The following TMEM192 variants were observed in gnomAD, a reference collection of about 807,000 sequenced individuals.
The protein encoded by TMEM192 is transmembrane protein 192.
In TMEM192, 20 loss-of-function variants were observed where a neutral mutation model predicts 26.7. The observed-to-expected ratio is 0.75, with a 90% CI of 0.53 to 1.09. TMEM192 has a LOEUF of 1.09. TMEM192 is among the 50% of genes least tolerant of loss of function. The probability of loss-of-function intolerance (pLI) is 0.00; values close to 1 mark genes in which losing one functional copy is unlikely to be tolerated. For synonymous variants in TMEM192, 124 were observed against 121.0 expected (o/e 1.02, Z -0.16); for missense variants, 304 against 322.6 (o/e 0.94, Z 0.44).
intron 1 of TMEM192, among the ~76,000 whole-genome samples, chr4:165,103,903 G>A (rs574379420): frequency 3.9e-5 from 6 of 152,238 alleles, no homozygotes; most frequent in Non-Finnish European, 7.4e-5. Flanking sequence ...CCTGACCTCA[G>A]GTGATCTACC....
rs562363988 is a variant in TMEM192 at position 165,081,166 on chromosome 4, C to T, written c.678-1370G>A. Among the ~76,000 whole-genome samples the T allele has an allele frequency of 4.8e-3, 727 of 151,992 alleles. 3 individuals are homozygous for T. The highest frequency in any genetic ancestry group is 7.4e-3 in the Non-Finnish European group (500 of 67,986). ...TAATAAGTTACCTAAACTCTCTGGTCTTCAGAGGTTAACACAACAACAAAC... is the reference window on the plus strand; with the variant it reads ...TAATAAGTTACCTAAACTCTCTGGTTTTCAGAGGTTAACACAACAACAAAC... On this transcript the variant is annotated intron_variant, in intron 5 of 5. Transcript: ENST00000306480.
chr4:165,099,591 C>G (rs977404743), intron 3 of TMEM192, among the ~76,000 whole-genome samples: 11 of 152,076 alleles, frequency 7.2e-5, no homozygotes, highest in African/African-American at 2.4e-4. Flanking sequence ...CCTAACAGTC[C>G]TCTATCCTAG....
At chr4:165,109,980 G>A (rs141393805) in intron 1 of TMEM192, among the ~76,000 whole-genome samples, 43 of 152,142 alleles carry the variant, frequency 2.8e-4, no homozygotes, top group African/African-American at 8.7e-4. Flanking sequence ...CCTTTTCATG[G>A]GTGTATCTTT....
At chr4:165,093,394 C>T (rs935966589) in intron 3 of TMEM192, among the ~76,000 whole-genome samples, 4 of 151,740 alleles carry the variant, frequency 2.6e-5, no homozygotes, top group Admixed American at 6.6e-5. Flanking sequence ...CGCGCCTGGC[C>T]AATACAGTTT....
chr4:165,105,950 C>A (rs1422872852), intron 1 of TMEM192, among the ~76,000 whole-genome samples: 1 of 152,184 alleles, frequency 6.6e-6, no homozygotes, highest in African/African-American at 2.4e-5. Flanking sequence ...CTTGAATGAG[C>A]TCCCTTCCAC....
At chr4:165,093,347 G>A (rs1368627370) in intron 3 of TMEM192, among the ~76,000 whole-genome samples, 3 of 151,824 alleles carry the variant, frequency 2.0e-5, no homozygotes, top group South Asian at 2.1e-4. Context: ...CACCCGCCTC[G>A]GCCTCCCAAA....
chr4:165,096,748 T>C (rs1734917658), intron 3 of TMEM192, among the ~76,000 whole-genome samples: 1 of 152,088 alleles, frequency 6.6e-6, no homozygotes, highest in Non-Finnish European at 1.5e-5. Flanking sequence ...TGATATCACC[T>C]GTGATTCTAA....
intron 5 of TMEM192, 133 bp from the exon 6 acceptor site, chr4:165,079,929 G>T: frequency 1.5e-6 from 1 of 684,130 alleles, no homozygotes; most frequent in Non-Finnish European, 2.2e-6. Context: ...CAGAAGCCAG[G>T]GTAATATTGC....
chr4:165,102,909 A>G (rs1320419916), intron 2 of TMEM192, 41 bp downstream of exon 2: 3 of 1,543,720 alleles, frequency 1.9e-6, no homozygotes, highest in African/African-American at 1.4e-5. Flanking sequence ...ATTTTTACAA[A>G]CATCACCTCT....
chr4:165,097,778 C>G (rs1329629023), intron 3 of TMEM192, among the ~76,000 whole-genome samples: 4 of 150,714 alleles, frequency 2.7e-5, no homozygotes, highest in Non-Finnish European at 5.9e-5. Flanking sequence ...CCACACATGA[C>G]TAATTTATTT....
In TMEM192 at chr4:165,079,654, C is replaced by T. The variant is rs879468477; in HGVS notation, c.*4G>A. 6.2e-7 allele frequency: 1 copy of T among 1,607,562 alleles called. No homozygotes were observed. Among genetic ancestry groups the T allele is most frequent in the Non-Finnish European group, 8.5e-7 (1 of 1,176,598 alleles). On this transcript the variant is annotated 3_prime_UTR_variant, in exon 6 of 6. Coordinates refer to ENST00000306480, the MANE Select transcript of TMEM192 (RefSeq NM_001100389.2). ...CTGCAATTGCTGTCATGACCGTGAG[C>T]CTCTCACGTTCTACTTGGCTGACAG...
chr4:165,096,159 G>A (rs1274837411), intron 3 of TMEM192, among the ~76,000 whole-genome samples: 1 of 151,734 alleles, frequency 6.6e-6, no homozygotes, highest in Non-Finnish European at 1.5e-5. Flanking sequence ...TGTAATGCCA[G>A]CACTATGGGA....
rs116955347 is a variant in TMEM192, at chr4:165,104,199, T to C, written c.28-1103A>G. The stretch of plus-strand genomic sequence containing the variant: ...GATCTTAAGTGTTCTCATCACATGT[T>C]AAAAAAAAGAAAAAAAGAATATGGT... On this transcript the variant is annotated intron_variant, in intron 1 of 5. Coordinates refer to ENST00000306480, the MANE Select transcript of TMEM192 (RefSeq NM_001100389.2). Among the ~76,000 whole-genome samples the C allele has an allele frequency of 9.4e-4, 102 of 108,760 alleles. 1 individual carries two copies. In the East Asian group the frequency reaches 0.026, roughly 27 times the overall value. The allele number at this position is 108,760 out of a possible 152,430, so 71.4% of individuals were successfully genotyped here. A position where few individuals can be genotyped will look rare whatever the true frequency, so the allele number is the denominator to read the frequency against.
At chr4:165,098,602 A>T (rs935485099) in intron 3 of TMEM192, among the ~76,000 whole-genome samples, 8 of 150,874 alleles carry the variant, frequency 5.3e-5, no homozygotes, top group Non-Finnish European at 1.2e-4. Context: ...ATGAGCCACC[A>T]TGCCCAGCCT....
rs930076649 is a variant in TMEM192 at position 165,092,204 on chromosome 4, C to T, written c.440-3602G>A. Among the ~76,000 whole-genome samples, 3 of 135,764 alleles carry T rather than the reference C, an allele frequency of 2.2e-5. No individual in the cohort carries two copies. In the Admixed American group the frequency reaches 2.4e-4, roughly 11 times the overall value. The allele number at this position is 135,764 out of a possible 152,430, so 89.1% of individuals were successfully genotyped here. On this transcript the variant is annotated intron_variant, in intron 3 of 5. Transcript: ENST00000306480. Reference sequence around the variant, plus strand: ...AGGTGCAATCTCAGCTCACTGCAACCTCTGCCTCCTGGGTTCAAGTGATTA... The same window carrying T: ...AGGTGCAATCTCAGCTCACTGCAACTTCTGCCTCCTGGGTTCAAGTGATTA...
intron 4 of TMEM192, among the ~76,000 whole-genome samples, chr4:165,087,462 T>C (rs991068299): frequency 2.0e-5 from 3 of 152,148 alleles, no homozygotes; most frequent in Non-Finnish European, 2.9e-5. Flanking sequence ...AGGAAGAAGG[T>C]AGATGACTCC....
At position 165,070,946 on chromosome 4, in the gene TMEM192, G is replaced by A. The variant is rs1734262642; in HGVS notation, c.*8712C>T. The stretch of plus-strand genomic sequence containing the variant: ...AGCTTACATTCTATCAGGAGACACA[G>A]ACAAAGTAAACAAGTAAGTTACATG... On this transcript the variant is annotated 3_prime_UTR_variant, in exon 6 of 6. Transcript: ENST00000306480. 1.3e-5 allele frequency: 2 copies of A among 152,152 alleles called. No homozygotes were observed. Among genetic ancestry groups the A allele is most frequent in the Admixed American group, 6.5e-5 (1 of 15,274 alleles). 9.4% of individuals were successfully genotyped at this position (152,152 alleles called of 1,614,324 possible).
intron 3 of TMEM192, among the ~76,000 whole-genome samples, chr4:165,094,093 G>T (rs559686301): frequency 6.6e-6 from 1 of 152,100 alleles, no homozygotes; most frequent in South Asian, 2.1e-4. Flanking sequence ...TAGAGAGGGG[G>T]TTTCACCATG....
At chr4:165,109,719 A>C (rs1212094905) in intron 1 of TMEM192, among the ~76,000 whole-genome samples, 1 of 152,152 alleles carries the variant, frequency 6.6e-6, no homozygotes, top group Non-Finnish European at 1.5e-5. Context: ...TAAGACAATA[A>C]TCTACTTTAT....
Sources: allele counts gnomAD v4.1 joint callset (sites outside exome capture counted in the v4.1 genomes callset), GRCh38; gene constraint gnomAD v4.1.1; transcripts MANE v1.5; gene names NCBI Gene and HGNC (gene_info 2026-07-23, HGNC 2026-07-21).